The following CNKSR2 variants were observed in gnomAD, a reference collection of about 807,000 sequenced individuals.
CNKSR2 encodes the protein CNK homolog protein 2.
CNKSR2 carries 14 observed loss-of-function variants against 84.4 expected under a neutral mutation model. The ratio of observed to expected loss-of-function variants is 0.17; its 90% CI spans 0.11 to 0.26. The LOEUF is 0.26. CNKSR2 is among the 10% of genes least tolerant of loss of function. The probability of loss-of-function intolerance (pLI) is 1.00; values close to 1 mark genes in which losing one functional copy is unlikely to be tolerated. For synonymous variants in CNKSR2, 275 were observed against 277.9 expected, an observed-to-expected ratio of 0.99 and a Z score of 0.10; for missense variants, 485 against 771.2, an observed-to-expected ratio of 0.63 and a Z score of 4.40.
At chrX:21,455,091 C>G (rs772818094) in intron 4 of CNKSR2, among the ~76,000 whole-genome samples, 18 of 111,850 alleles carry the variant, frequency 1.6e-4, no homozygotes, top group African/African-American at 5.5e-4. Context: ...AGCAATAGTG[C>G]AATTAGAATA....
At chrX:21,463,438 G>A (rs779423076) in intron 4 of CNKSR2, among the ~76,000 whole-genome samples, 19 of 111,195 alleles carry the variant, frequency 1.7e-4, no homozygotes, top group Non-Finnish European at 2.8e-4. Flanking sequence ...GTAGAATTCA[G>A]CAGTGAAGCC....
At chrX:21,433,178 T>C (rs1199472570) in intron 3 of CNKSR2, among the ~76,000 whole-genome samples, 2 of 111,736 alleles carry the variant, frequency 1.8e-5, no homozygotes, top group Non-Finnish European at 3.8e-5. Flanking sequence ...GAAATGACCA[T>C]TGGGATTCTA....
chrX:21,387,021 A>G (rs1394409555), intron 1 of CNKSR2, among the ~76,000 whole-genome samples: 2 of 112,277 alleles, frequency 1.8e-5, no homozygotes, highest in East Asian at 5.5e-4. Flanking sequence ...TTAAAAAACA[A>G]TCTGGTTTAA....
intron 11 of CNKSR2, among the ~76,000 whole-genome samples, chrX:21,555,535 C>A (rs754654452): frequency 1.8e-5 from 2 of 110,986 alleles, no homozygotes; most frequent in African/African-American, 6.5e-5. Flanking sequence ...CTTAAATAAC[C>A]CCAGGATGTT....
chrX:21,646,058 T>G (rs2092705937), intron 20 of CNKSR2, among the ~76,000 whole-genome samples: 1 of 111,323 alleles, frequency 9.0e-6, no homozygotes, highest in Admixed American at 9.5e-5. Context: ...TGGCATTTTG[T>G]GGTAGCCTGG....
At chrX:21,400,723 A>G (rs1206387879) in intron 1 of CNKSR2, among the ~76,000 whole-genome samples, 7 of 111,360 alleles carry the variant, frequency 6.3e-5, no homozygotes, top group Non-Finnish European at 1.3e-4. Context: ...GTTTGTATAG[A>G]TTAAACATTT....
intron 11 of CNKSR2, among the ~76,000 whole-genome samples, chrX:21,546,894 C>T (rs1047672883): frequency 4.5e-5 from 5 of 111,874 alleles, no homozygotes; most frequent in Non-Finnish European, 9.4e-5. Context: ...GATTTTGTCA[C>T]TACCAGGCCT....
At chrX:21,563,500 T>C (rs901001659) in intron 13 of CNKSR2, 48 bp downstream of exon 13, 4 of 953,252 alleles carry the variant, frequency 4.2e-6, no homozygotes, top group Non-Finnish European at 5.8e-6. Flanking sequence ...ATTGGAAGAC[T>C]GGCAAGTGAC....
intron 1 of CNKSR2, among the ~76,000 whole-genome samples, chrX:21,415,273 T>G (rs2090400795): frequency 2.7e-5 from 3 of 111,294 alleles, no homozygotes; most frequent in Admixed American, 1.9e-4. Flanking sequence ...TTTCACTTCT[T>G]TGGTTAAGTT....
At chrX:21,456,911 C>T (rs1388649961) in intron 4 of CNKSR2, among the ~76,000 whole-genome samples, 1 of 111,617 alleles carries the variant, frequency 9.0e-6, no homozygotes, top group Non-Finnish European at 1.9e-5. Flanking sequence ...GCCATTCTAA[C>T]AGGAGTGAGA....
chrX:21,560,691 T>C (rs1801154593), intron 11 of CNKSR2, among the ~76,000 whole-genome samples: 1 of 111,718 alleles, frequency 9.0e-6, no homozygotes, highest in Admixed American at 9.5e-5. Flanking sequence ...TTGGCTGTTT[T>C]AGGCTTCAGG....
At chrX:21,480,770 G>A (rs1000126671) in intron 5 of CNKSR2, among the ~76,000 whole-genome samples, 3 of 111,867 alleles carry the variant, frequency 2.7e-5, no homozygotes, top group African/African-American at 9.8e-5. Context: ...GTGTACATTT[G>A]GGACTGACAT....
At chrX:21,497,615 C>G (rs1198343039) in intron 6 of CNKSR2, among the ~76,000 whole-genome samples, 172 bp from the exon 7 acceptor site, 1 of 111,430 alleles carries the variant, frequency 9.0e-6, no homozygotes, top group Non-Finnish European at 1.9e-5. Flanking sequence ...CCAGAATGTT[C>G]AGATAGTAAT....
At chrX:21,489,520 G>T (rs1461507649) in intron 5 of CNKSR2, among the ~76,000 whole-genome samples, 1 of 111,419 alleles carries the variant, frequency 9.0e-6, no homozygotes, top group African/African-American at 3.3e-5. Context: ...AGCATCTGAG[G>T]GCCAGCATAT....
At chrX:21,426,391 CT>C (rs2090564942) in intron 1 of CNKSR2, 105 bp from the exon 2 acceptor site, 1 of 746,407 alleles carries the variant, frequency 1.3e-6, no homozygotes, top group African/African-American at 2.1e-5. Context: ...TTAAAATGGA[CT>C]TAATTTGTGA....
At chrX:21,562,118 A>C (rs1278095932) in intron 12 of CNKSR2, among the ~76,000 whole-genome samples, 3 of 110,008 alleles carry the variant, frequency 2.7e-5, no homozygotes, top group African/African-American at 9.9e-5. Context: ...TGAAGGATCT[A>C]CCAAAAGTAA....
Position 21,381,602 on chromosome X carries a change from A to T in CNKSR2, c.64+6641A>T, listed in dbSNP as rs758340480. Among the ~76,000 whole-genome samples, 5 of 112,048 alleles carry T rather than the reference A, an allele frequency of 4.5e-5. No individual in the cohort carries two copies. The South Asian group carries it at 1.9e-3, about 42-fold the overall frequency. ...CTCATCAGTTTAAAACAATTTAATG[A>T]CTTCTCATTGTTTTTAGGATAAAGG... On this transcript the variant is annotated intron_variant, in intron 1 of 21. Coordinates refer to ENST00000379510, the MANE Select transcript of CNKSR2 (RefSeq NM_014927.5).
intron 11 of CNKSR2, among the ~76,000 whole-genome samples, chrX:21,539,530 A>G (rs2091958498): frequency 9.1e-6 from 1 of 110,388 alleles, no homozygotes; most frequent in African/African-American, 3.3e-5. Context: ...GTATATTGCT[A>G]GAGTTGTGTT....
At position 21,636,712 on chromosome X, in the gene CNKSR2, G is replaced by T. The variant is rs368251331; in HGVS notation, c.2693-12119G>T. On this transcript the variant is annotated intron_variant, in intron 20 of 21. Coordinates refer to ENST00000379510, the MANE Select transcript of CNKSR2 (RefSeq NM_014927.5). Reference sequence around the variant, plus strand: ...TTCTTAACTATAAAATTTTAAGATAGAAGTGGGAAGGAGGTATACAACTAT... The same window carrying T: ...TTCTTAACTATAAAATTTTAAGATATAAGTGGGAAGGAGGTATACAACTAT... 3.8e-4 allele frequency among the ~76,000 whole-genome samples: 42 copies of T among 110,900 alleles called. 1 individual carries two copies. Among genetic ancestry groups the T allele is most frequent in the African/African-American group, 9.8e-4 (30 of 30,610 alleles).
Sources: allele counts gnomAD v4.1 joint callset (sites outside exome capture counted in the v4.1 genomes callset), GRCh38; gene constraint gnomAD v4.1.1; transcripts MANE v1.5; gene names NCBI Gene and HGNC (gene_info 2026-07-23, HGNC 2026-07-21).